The following MEGF11 variants were observed in gnomAD, a reference collection of about 807,000 sequenced individuals.
MEGF11 encodes the protein multiple EGF like domains 11, also known as multiple epidermal growth factor-like domains protein 11.
Under a neutral mutation model 146.6 loss-of-function variants are expected in MEGF11, and 126 were observed. The ratio of observed to expected loss-of-function variants is 0.86; its 90% confidence interval spans 0.74 to 1.00. The LOEUF (loss-of-function observed/expected upper bound fraction) is 1.00. Among genes scored for constraint, MEGF11 ranks in the 50% least tolerant of loss-of-function variants. The pLI is 0.00. For synonymous variants in MEGF11, 532 were observed against 583.4 expected, an observed-to-expected ratio of 0.91 and a Z score of 1.27; for missense variants, 1,509 against 1,521.2, an observed-to-expected ratio of 0.99 and a Z score of 0.13.
intron 5 of MEGF11, among the ~76,000 whole-genome samples, chr15:66,000,720 A>C (rs2082341563): frequency 6.6e-6 from 1 of 152,252 alleles, no homozygotes. Context: ...AGGGATAACA[A>C]AATGACATGG....
chr15:65,970,487 C>A, intron 8 of MEGF11, 66 bp downstream of exon 8: 5 of 1,545,504 alleles, frequency 3.2e-6, no homozygotes, highest in Non-Finnish European at 4.4e-6. Context: ...ATGAGCTGTT[C>A]TCTGCAAGTC....
At chr15:66,079,543 C>A (rs566789456) in intron 5 of MEGF11, among the ~76,000 whole-genome samples, 15 of 145,210 alleles carry the variant, frequency 1.0e-4, no homozygotes, top group Non-Finnish European at 1.8e-4. Flanking sequence ...TCACACCCCC[C>A]CCCCCAGCAC....
chr15:65,951,958 T>C (rs1458710644), intron 10 of MEGF11, among the ~76,000 whole-genome samples: 3 of 152,002 alleles, frequency 2.0e-5, no homozygotes, highest in Non-Finnish European at 4.4e-5. Flanking sequence ...GCTATGATTG[T>C]GCCATTACAC....
chr15:66,076,733 G>A (rs148956748), intron 5 of MEGF11, among the ~76,000 whole-genome samples: 2 of 152,312 alleles, frequency 1.3e-5, no homozygotes, highest in African/African-American at 4.8e-5. Flanking sequence ...GCCAGGACAT[G>A]TCCAACCTGG....
At chr15:65,959,566 T>TTCAG (rs1334276977) in intron 9 of MEGF11, among the ~76,000 whole-genome samples, 2 of 152,210 alleles carry the variant, frequency 1.3e-5, no homozygotes, top group Non-Finnish European at 2.9e-5. Flanking sequence ...AATACTTTAA[T>TTCAG]ACTTTTATTC....
intron 9 of MEGF11, among the ~76,000 whole-genome samples, chr15:65,962,460 C>T (rs753381513): frequency 2.6e-5 from 4 of 152,172 alleles, no homozygotes; most frequent in East Asian, 1.9e-4. Context: ...CAACATTCTA[C>T]AAAGCACAGG....
chr15:66,180,032 C>A (rs1048961134), intron 1 of MEGF11, among the ~76,000 whole-genome samples: 1 of 152,164 alleles, frequency 6.6e-6, no homozygotes, highest in South Asian at 2.1e-4. Flanking sequence ...ACTCTATAAG[C>A]TCATTGGTAT....
intron 10 of MEGF11, among the ~76,000 whole-genome samples, chr15:65,943,737 T>G (rs1171060654): frequency 6.6e-6 from 1 of 152,188 alleles, no homozygotes; most frequent in Non-Finnish European, 1.5e-5. Context: ...CATCTGCATG[T>G]CAGACATCTG....
At chr15:66,218,393 A>G (rs138678342) in intron 1 of MEGF11, among the ~76,000 whole-genome samples, 2 of 152,292 alleles carry the variant, frequency 1.3e-5, no homozygotes, top group Admixed American at 1.3e-4. Context: ...GGGCTCCCCA[A>G]CAAGAGTCAT....
intron 5 of MEGF11, among the ~76,000 whole-genome samples, chr15:66,026,606 C>T (rs1389774769): frequency 2.0e-5 from 3 of 152,148 alleles, no homozygotes; most frequent in African/African-American, 7.2e-5. Flanking sequence ...GCCTCAGCCT[C>T]CCAAGTAGCT....
At chr15:65,938,225 GA>G (rs2079854462) in intron 10 of MEGF11, among the ~76,000 whole-genome samples, 1 of 152,224 alleles carries the variant, frequency 6.6e-6, no homozygotes, top group Non-Finnish European at 1.5e-5. Context: ...TTTTATAGGT[GA>G]GTAAACTGAG....
intron 4 of MEGF11, among the ~76,000 whole-genome samples, chr15:66,098,000 C>T (rs1012262589): frequency 6.6e-6 from 1 of 152,164 alleles, no homozygotes; most frequent in Non-Finnish European, 1.5e-5. Flanking sequence ...ATGTTCCCTC[C>T]AGCTCTGGGA....
At chr15:66,019,704 C>T (rs1297170543) in intron 5 of MEGF11, among the ~76,000 whole-genome samples, 2 of 152,240 alleles carry the variant, frequency 1.3e-5, no homozygotes, top group Non-Finnish European at 2.9e-5. Context: ...TGGGTGACCT[C>T]GGGTATGCGA....
chr15:66,108,166 G>C (rs549194920), intron 4 of MEGF11, among the ~76,000 whole-genome samples: 53 of 152,364 alleles, frequency 3.5e-4, no homozygotes, highest in African/African-American at 1.1e-3. Context: ...GTGAGGTAAC[G>C]GGACGTTGAG....
intron 5 of MEGF11, among the ~76,000 whole-genome samples, chr15:65,999,021 G>A (rs1001003092): frequency 4.6e-5 from 7 of 151,298 alleles, no homozygotes; most frequent in Non-Finnish European, 1.0e-4. Context: ...AAAGGACAAC[G>A]CTTGTCCTCC....
At chr15:66,008,407 GCGCGCACACACACACACACACACACA>G (rs1254376977) in intron 5 of MEGF11, among the ~76,000 whole-genome samples, 56 of 82,316 alleles carry the variant, frequency 6.8e-4, no homozygotes, top group African/African-American at 1.9e-3. Context: ...GCACACGCGC[GCGCGCACACACACACACACACACACA>G]CACACACACA....
At chr15:65,987,586 CAACT>C in intron 5 of MEGF11, among the ~76,000 whole-genome samples, 1 of 152,102 alleles carries the variant, frequency 6.6e-6, no homozygotes, top group East Asian at 1.9e-4. Flanking sequence ...AGTGTTGCAC[CAACT>C]ATCAGCACTA....
At chr15:66,240,643 T>C (rs2092191575) in intron 1 of MEGF11, among the ~76,000 whole-genome samples, 1 of 152,230 alleles carries the variant, frequency 6.6e-6, no homozygotes, top group African/African-American at 2.4e-5. Context: ...ATTATTAATC[T>C]TAAGTACTGT....
intron 10 of MEGF11, among the ~76,000 whole-genome samples, chr15:65,939,082 T>G (rs902859176): frequency 6.6e-6 from 1 of 152,156 alleles, no homozygotes; most frequent in African/African-American, 2.4e-5. Flanking sequence ...ATTGTGTGAG[T>G]CTGTCTTCTA....
Sources: gnomAD v4.1 joint callset for allele counts (sites outside exome capture counted in the v4.1 genomes callset) on GRCh38, gnomAD v4.1.1 for gene constraint, MANE v1.5 for transcripts, NCBI Gene and HGNC (gene_info 2026-07-23, HGNC 2026-07-21) for gene names.